Variants in ERBB4 observed in about 807,000 individuals in gnomAD.
ERBB4 encodes erb-b2 receptor tyrosine kinase 4.
In ERBB4, 42 loss-of-function variants were observed where a neutral mutation model predicts 158.0. The ratio of observed to expected loss-of-function variants is 0.27; its 90% CI spans 0.21 to 0.34. The LOEUF (loss-of-function observed/expected upper bound fraction) is 0.34, where lower values mean the gene tolerates loss of function less well. Among genes scored for constraint, ERBB4 ranks in the 10% least tolerant of loss-of-function variants. The pLI is 1.00. For missense variants in ERBB4, 1,333 were observed against 1,624.1 expected (o/e 0.82, Z 3.08); for synonymous variants, 583 against 558.7 (o/e 1.04, Z -0.61).
chr2:211,963,540 T>C lies in ERBB4; in HGVS notation c.235-15924A>G, dbSNP rs1390152174. 2.0e-5 allele frequency among the ~76,000 whole-genome samples: 3 copies of C among 152,120 alleles called. No individual in the cohort carries two copies. In the East Asian group the frequency reaches 5.8e-4, roughly 29 times the overall value. The stretch of plus-strand genomic sequence containing the variant: ...ATATTTTTCTAACCTGAATTTATTA[T>C]TGCACATATTACTGGATGGACAGTG... On this transcript the variant is annotated intron_variant, in intron 2 of 27. Transcript: ENST00000342788.
intron 20 of ERBB4, among the ~76,000 whole-genome samples, chr2:211,502,133 G>A (rs1159849461): frequency 7.2e-5 from 11 of 152,222 alleles, no homozygotes; most frequent in Middle Eastern, 3.4e-3. Flanking sequence ...TTTCTGGACA[G>A]TGTAGTCACT....
chr2:212,514,265 C>A (rs2106290357), intron 1 of ERBB4, among the ~76,000 whole-genome samples: 1 of 151,746 alleles, frequency 6.6e-6, no homozygotes, highest in South Asian at 2.1e-4. Flanking sequence ...AAATGCCCAA[C>A]TTTTTCACAT....
intron 1 of ERBB4, among the ~76,000 whole-genome samples, chr2:212,277,800 AAT>A (rs1272064888): frequency 6.6e-6 from 1 of 151,790 alleles, no homozygotes; most frequent in Non-Finnish European, 1.5e-5. Context: ...GTAGGTGCTT[AAT>A]ACTTGCCAAG....
At chr2:212,068,031 T>C (rs2077996290) in intron 2 of ERBB4, among the ~76,000 whole-genome samples, 1 of 152,050 alleles carries the variant, frequency 6.6e-6, no homozygotes, top group African/African-American at 2.4e-5. Context: ...GCCTATCTCA[T>C]TTTTTATTTG....
chr2:211,762,208 G>A (rs138792320), intron 4 of ERBB4, among the ~76,000 whole-genome samples: 15 of 152,328 alleles, frequency 9.8e-5, no homozygotes, highest in African/African-American at 3.6e-4. Context: ...AGACAGAAAT[G>A]TTTATGCAAA....
At chr2:211,405,365 G>C (rs1201670335) in intron 25 of ERBB4, among the ~76,000 whole-genome samples, 1 of 152,060 alleles carries the variant, frequency 6.6e-6, no homozygotes, top group Non-Finnish European at 1.5e-5. Context: ...TGACACATGG[G>C]TTAAAAATCT....
At chr2:211,465,479 C>G (rs528726147) in intron 20 of ERBB4, among the ~76,000 whole-genome samples, 2 of 152,054 alleles carry the variant, frequency 1.3e-5, no homozygotes, top group East Asian at 3.9e-4. Context: ...AGCAGGAATT[C>G]TGAACATTGT....
chr2:211,462,255 C>T (rs777896635), intron 20 of ERBB4, among the ~76,000 whole-genome samples: 2 of 152,010 alleles, frequency 1.3e-5, no homozygotes, highest in African/African-American at 2.4e-5. Context: ...ATAACTCACA[C>T]ACTATCATGA....
At chr2:211,919,542 C>T (rs916312264) in intron 3 of ERBB4, among the ~76,000 whole-genome samples, 3 of 152,096 alleles carry the variant, frequency 2.0e-5, no homozygotes, top group South Asian at 2.1e-4. Context: ...TGCATGAACA[C>T]GCAGAGTTCT....
chr2:211,870,634 TG>T (rs1313286365), intron 3 of ERBB4, among the ~76,000 whole-genome samples: 1 of 152,146 alleles, frequency 6.6e-6, no homozygotes, highest in Non-Finnish European at 1.5e-5. Context: ...ATAAATATAA[TG>T]TTATAGTGCA....
At chr2:212,341,987 G>T (rs1210856045) in intron 1 of ERBB4, among the ~76,000 whole-genome samples, 1 of 152,082 alleles carries the variant, frequency 6.6e-6, no homozygotes, top group Non-Finnish European at 1.5e-5. Flanking sequence ...GGCTGGACAT[G>T]GTGGTTCAGA....
At chr2:211,766,424 C>T (rs1173813964) in intron 4 of ERBB4, among the ~76,000 whole-genome samples, 2 of 152,054 alleles carry the variant, frequency 1.3e-5, no homozygotes, top group African/African-American at 4.8e-5. Context: ...GAGGGAACAC[C>T]AATAGGAGAG....
chr2:211,413,695 GA>G (rs1200812382), intron 25 of ERBB4, among the ~76,000 whole-genome samples: 2 of 151,944 alleles, frequency 1.3e-5, no homozygotes, highest in Non-Finnish European at 2.9e-5. Flanking sequence ...ATCACATAAG[GA>G]AAAAAGTTAT....
At chr2:211,996,106 G>T (rs2125267222) in intron 2 of ERBB4, among the ~76,000 whole-genome samples, 1 of 152,210 alleles carries the variant, frequency 6.6e-6, no homozygotes, top group Non-Finnish European at 1.5e-5. Context: ...AAACTTTGAA[G>T]ACTGTTAAGG....
At chr2:212,359,491 G>GT (rs201211004) in intron 1 of ERBB4, among the ~76,000 whole-genome samples, 3,619 of 151,708 alleles carry the variant, frequency 0.024, 136 homozygotes, top group African/African-American at 0.082. Flanking sequence ...TAATGTATCT[G>GT]TTTTTTCCTA....
chr2:211,957,293 C>T (rs1196527670), intron 2 of ERBB4, among the ~76,000 whole-genome samples: 1 of 151,974 alleles, frequency 6.6e-6, no homozygotes, highest in Non-Finnish European at 1.5e-5. Context: ...AAGATGAGGG[C>T]ACAGACATGA....
chr2:211,573,146 G>C (rs148569912), intron 19 of ERBB4, among the ~76,000 whole-genome samples: 3,107 of 152,184 alleles, frequency 0.02, 97 homozygotes, highest in African/African-American at 0.071. Flanking sequence ...ATTAGACACA[G>C]GCACAAAGAG....
chr2:211,807,631 C>T (rs1206671892), intron 3 of ERBB4, among the ~76,000 whole-genome samples: 2 of 152,120 alleles, frequency 1.3e-5, no homozygotes, highest in African/African-American at 4.8e-5. Flanking sequence ...TACAGTAGCA[C>T]GATGTATAAT....
intron 1 of ERBB4, among the ~76,000 whole-genome samples, chr2:212,403,951 C>A (rs1477109559): frequency 6.6e-6 from 1 of 152,024 alleles, no homozygotes; most frequent in Non-Finnish European, 1.5e-5. Flanking sequence ...TTCTCTGATA[C>A]TTGCTCCTGA....
Sources: allele counts gnomAD v4.1 joint callset (sites outside exome capture counted in the v4.1 genomes callset), GRCh38; gene constraint gnomAD v4.1.1; transcripts MANE v1.5; gene names NCBI Gene and HGNC (gene_info 2026-07-23, HGNC 2026-07-21).